CALM2: variants seen among roughly 807,000 people sequenced by gnomAD.
The protein encoded by CALM2 is calmodulin-2.
In CALM2, 2 loss-of-function variants were observed where a neutral mutation model predicts 19.8. That is an observed-to-expected ratio of 0.10 (90% CI 0.04 to 0.32). The LOEUF (loss-of-function observed/expected upper bound fraction) is 0.32, where lower values mean the gene tolerates loss of function less well. CALM2 is among the 10% of genes least tolerant of loss of function. The pLI is 1.00. For missense variants in CALM2, 38 were observed against 178.7 expected (o/e 0.21, Z 4.49); for synonymous variants, 51 against 52.1 (o/e 0.98, Z 0.09).
upstream of CALM2, chr2:47,176,691 GC>G: frequency 7.1e-7 from 1 of 1,417,620 alleles, no homozygotes; most frequent in Non-Finnish European, 9.2e-7. Flanking sequence ...AGGAAAGTGG[GC>G]GAACGGATGA....
chr2:47,165,299 G>C (rs1379100570), intron 2 of CALM2, among the ~76,000 whole-genome samples: 1 of 152,202 alleles, frequency 6.6e-6, no homozygotes, highest in Admixed American at 6.5e-5. Flanking sequence ...ATATGGACAA[G>C]CTACTAAACC....
intron 2 of CALM2, among the ~76,000 whole-genome samples, chr2:47,166,135 G>C (rs1298443941): frequency 6.6e-6 from 1 of 152,046 alleles, no homozygotes; most frequent in Non-Finnish European, 1.5e-5. Context: ...AATAGATCAG[G>C]GAGTCTCCAC....
At chr2:47,168,886 T>C (rs765674370) in intron 2 of CALM2, among the ~76,000 whole-genome samples, 2 of 152,062 alleles carry the variant, frequency 1.3e-5, no homozygotes, top group Non-Finnish European at 2.9e-5. Context: ...CAAGTGATTC[T>C]CCTGCATCAG....
intron 1 of CALM2, chr2:47,176,111 C>T (rs989538145): frequency 2.7e-6 from 1 of 364,940 alleles, no homozygotes. Flanking sequence ...CTCCCTCTCT[C>T]CCTTCCTTCA....
chr2:47,174,949 G>GA (rs926450213), intron 1 of CALM2, among the ~76,000 whole-genome samples: 2 of 152,242 alleles, frequency 1.3e-5, no homozygotes, highest in African/African-American at 4.8e-5. Flanking sequence ...ATACAGGCTG[G>GA]AGGTTTCAGT....
intron 2 of CALM2, among the ~76,000 whole-genome samples, chr2:47,168,126 G>T (rs2103839066): frequency 6.6e-6 from 1 of 152,132 alleles, no homozygotes; most frequent in South Asian, 2.1e-4. Context: ...TTACTATGTG[G>T]CAGGTACCGG....
intron 2 of CALM2, among the ~76,000 whole-genome samples, chr2:47,168,331 T>C (rs544243832): frequency 1.3e-5 from 2 of 152,070 alleles, no homozygotes; most frequent in Non-Finnish European, 2.9e-5. Context: ...TCTACTCCCA[T>C]TGGAAACCTA....
intron 2 of CALM2, among the ~76,000 whole-genome samples, chr2:47,165,837 C>A (rs762045026): frequency 6.6e-6 from 1 of 152,154 alleles, no homozygotes; most frequent in African/African-American, 2.4e-5. Flanking sequence ...AGCAAAAGCC[C>A]AAGAGCCACT....
In CALM2 at chr2:47,176,352, T is replaced by G. The variant is rs1573235839; in HGVS notation, c.3+89A>C. 2.0e-6 allele frequency: 3 copies of G among 1,515,066 alleles called. No homozygotes were observed. The East Asian group carries it at 6.9e-5, about 35-fold the overall frequency. The allele number at this position is 1,515,066 out of a possible 1,614,324, so 93.9% of individuals were successfully genotyped here. On this transcript the variant is annotated intron_variant, in intron 1 of 5. Transcript: ENST00000272298. The stretch of plus-strand genomic sequence containing the variant: ...TGGCAGAAACCACTCCTTGAAGGTG[T>G]AAGGGAGGCGAGTTTCCTTTGTTTA...
rs1281863261 is a variant in CALM2, at chr2:47,175,915, A to AGGACGCGGGCTAACTGCGACGC, written c.3+504_3+525dup. ...GCGCCCCCTGGATCCCGGCACGCGG[A>AGGACGCGGGCTAACTGCGACGC]GGACGCGGGCTAACTGCGACGCCGA... is the stretch of plus-strand genomic sequence containing the variant. On this transcript the variant is annotated intron_variant, in intron 1 of 5. Coordinates refer to ENST00000272298, the MANE Select transcript of CALM2 (RefSeq NM_001743.6). 1.9e-3 allele frequency among the ~76,000 whole-genome samples: 292 copies of AGGACGCGGGCTAACTGCGACGC among 150,294 alleles called. 2 individuals are homozygous for AGGACGCGGGCTAACTGCGACGC. The highest frequency in any genetic ancestry group is 6.8e-3 in the African/African-American group (281 of 41,178).
rs1666876411 is a variant in CALM2 at position 47,176,474 on chromosome 2, A to G, written c.-31T>C. The G allele has an allele frequency of 1.9e-6, 3 of 1,613,400 alleles. No homozygotes were observed. The highest frequency in any genetic ancestry group is 1.3e-5 in the African/African-American group (1 of 74,808). ...AAGCGCTACCGGTTTCCGAGACGCG[A>G]CCACACAACCACTCAGCTCGCTCTC... On this transcript the variant is annotated 5_prime_UTR_variant, in exon 1 of 6. Transcript: ENST00000272298.
chr2:47,166,229 G>A (rs1427893631), intron 2 of CALM2, among the ~76,000 whole-genome samples: 3 of 152,128 alleles, frequency 2.0e-5, no homozygotes, highest in Non-Finnish European at 4.4e-5. Context: ...ACATATATTG[G>A]AGTTCAGACA....
At chr2:47,174,187 C>CA (rs1666769563) in intron 1 of CALM2, 1 of 152,292 alleles carries the variant, frequency 6.6e-6, no homozygotes, top group Admixed American at 6.5e-5. Context: ...CATGTAAACT[C>CA]AAGAGTTACA....
chr2:47,160,962 C>CATTAA (rs1687136845), intron 5 of CALM2, among the ~76,000 whole-genome samples, 158 bp from the exon 6 acceptor site: 1 of 151,820 alleles, frequency 6.6e-6, no homozygotes, highest in Non-Finnish European at 1.5e-5. Context: ...AGTTTATTGC[C>CATTAA]CAGGCTGGAA....
intron 2 of CALM2, among the ~76,000 whole-genome samples, chr2:47,168,329 C>T (rs994808091): frequency 2.0e-5 from 3 of 152,064 alleles, no homozygotes; most frequent in Non-Finnish European, 2.9e-5. Context: ...CCTCTACTCC[C>T]ATTGGAAACC....
chr2:47,176,704 G>A (rs1023687215), upstream of CALM2: 11 of 1,402,846 alleles, frequency 7.8e-6, no homozygotes, highest in Middle Eastern at 2.7e-4. Flanking sequence ...AACGGATGAC[G>A]TAAGTGGGTT....
chr2:47,176,008 G>A (rs1666854274), intron 1 of CALM2, among the ~76,000 whole-genome samples: 1 of 152,128 alleles, frequency 6.6e-6, no homozygotes, highest in Non-Finnish European at 1.5e-5. Context: ...GCGGACAAAG[G>A]CGCTTCCTGG....
chr2:47,167,814 C>CCTTTTTTTTTTTTTTT lies in CALM2; in HGVS notation c.34+2919_34+2920insAAAAAAAAAAAAAAAG, dbSNP rs775532408. On this transcript the variant is annotated intron_variant, in intron 2 of 5. Coordinates refer to ENST00000272298, the MANE Select transcript of CALM2 (RefSeq NM_001743.6). ...AAAAAAAAAAATTTTTTTTTCTTTTCTTTGAGACAGGGTCTTGCTGTGTTG... is the reference window on the plus strand; with the variant it reads ...AAAAAAAAAAATTTTTTTTTCTTTTCCTTTTTTTTTTTTTTTTTTGAGACAGGGTCTTGCTGTGTTG... 10 of 96,526 alleles carry CCTTTTTTTTTTTTTTT rather than the reference C, an allele frequency of 1.0e-4. 3 individuals are homozygous for CCTTTTTTTTTTTTTTT. The highest frequency in any genetic ancestry group is 5.6e-4 in the African/African-American group (10 of 17,910). 6.0% of individuals were successfully genotyped at this position (96,526 alleles called of 1,614,324 possible).
chr2:47,176,656 A>G, upstream of CALM2: 3 of 1,463,098 alleles, frequency 2.1e-6, no homozygotes, highest in South Asian at 1.4e-5. Context: ...CTTCACAGTT[A>G]TTTGGTCGAT....
Sources: gnomAD v4.1 joint callset for allele counts (sites outside exome capture counted in the v4.1 genomes callset) on GRCh38, gnomAD v4.1.1 for gene constraint, MANE v1.5 for transcripts, NCBI Gene and HGNC (gene_info 2026-07-23, HGNC 2026-07-21) for gene names.